SAXO5: variants seen among roughly 807,000 people sequenced by gnomAD.
SAXO5 encodes the protein stabilizer of axonemal microtubules 5.
the SAXO5 span, among the ~76,000 whole-genome samples, chr19:7,499,123 C>T: frequency 5.3e-5 from 8 of 151,734 alleles, no homozygotes; most frequent in African/African-American, 1.9e-4. Context: ...ACCAGCCTGA[C>T]CAATGTGGTG....
chr19:7,501,046 G>T, the SAXO5 span: 1 of 1,514,898 alleles, frequency 6.6e-7, no homozygotes, highest in Non-Finnish European at 8.8e-7. Flanking sequence ...CGCTGGGACC[G>T]GGAAGAGCGC....
chr19:7,497,809 G>A, the SAXO5 span: 1 of 152,076 alleles, frequency 6.6e-6, no homozygotes, highest in African/African-American at 2.4e-5. Flanking sequence ...ACCCATTTTG[G>A]AGGTCATATT....
the SAXO5 span, chr19:7,506,317 C>A: frequency 1.4e-6 from 1 of 710,520 alleles, no homozygotes; most frequent in Non-Finnish European, 2.5e-6. Flanking sequence ...TCGCCCTTGC[C>A]ACTGCTCTGG....
the SAXO5 span, chr19:7,504,172 A>G: frequency 3.7e-6 from 6 of 1,613,704 alleles, no homozygotes; most frequent in South Asian, 6.6e-5. Context: ...GGGACTTCCT[A>G]CCAAAGACAG....
the SAXO5 span, chr19:7,506,200 C>CCCGCCCCATGGAGCG: frequency 6.7e-7 from 1 of 1,498,986 alleles, no homozygotes; most frequent in Non-Finnish European, 8.9e-7. Context: ...CCCATGGAGC[C>CCCGCCCCATGGAGCG]CCGCCCCGGG....
At chr19:7,508,309 G>A in the SAXO5 span, 30 of 1,614,054 alleles carry the variant, frequency 1.9e-5, no homozygotes, top group Middle Eastern at 3.3e-4. Flanking sequence ...GCAGCCCTGA[G>A]ACTGAAAAAT....
the SAXO5 span, chr19:7,505,273 A>G: frequency 1.3e-6 from 2 of 1,559,026 alleles, no homozygotes; most frequent in Admixed American, 3.3e-5. Flanking sequence ...GTGGGCCACC[A>G]TGCCCAGCCC....
At chr19:7,501,359 C>G in the SAXO5 span, 1 of 1,524,628 alleles carries the variant, frequency 6.6e-7, no homozygotes, top group Non-Finnish European at 8.7e-7. Context: ...TTCCACCCCA[C>G]GACGCGCGCC....
the SAXO5 span, among the ~76,000 whole-genome samples, chr19:7,500,590 G>T: frequency 8.5e-5 from 13 of 152,226 alleles, no homozygotes; most frequent in Non-Finnish European, 5.9e-5. Flanking sequence ...GATTACAGGC[G>T]TGAGCCCCCG....
the SAXO5 span, chr19:7,501,162 C>A: frequency 9.9e-6 from 15 of 1,513,210 alleles, no homozygotes; most frequent in Non-Finnish European, 1.2e-5. Flanking sequence ...CGGCAACCTG[C>A]ACCTGCACGA....
the SAXO5 span, among the ~76,000 whole-genome samples, chr19:7,498,759 T>C: frequency 6.6e-6 from 1 of 152,154 alleles, no homozygotes; most frequent in Non-Finnish European, 1.5e-5. Flanking sequence ...CTGGGAGGTC[T>C]TCCTGCAAGA....
the SAXO5 span, chr19:7,506,273 G>A: frequency 2.2e-6 from 2 of 906,060 alleles, no homozygotes; most frequent in East Asian, 5.7e-5. Context: ...CGCCCCCACG[G>A]AGCCCCGTCC....
the SAXO5 span, chr19:7,508,360 G>A: frequency 3.3e-5 from 53 of 1,613,710 alleles, no homozygotes; most frequent in Admixed American, 2.5e-4. Context: ...CCTCACCAGC[G>A]CGGCTGCAGG....
the SAXO5 span, chr19:7,504,063 G>T: frequency 4.6e-5 from 48 of 1,032,324 alleles, no homozygotes; most frequent in South Asian, 6.4e-4. Context: ...GAGGGCTTGA[G>T]ATGGCAGGGA....
At chr19:7,503,762 G>A in the SAXO5 span, among the ~76,000 whole-genome samples, 1 of 151,978 alleles carries the variant, frequency 6.6e-6, no homozygotes, top group Non-Finnish European at 1.5e-5. Context: ...TGGGATTACA[G>A]GCATGAGCCA....
chr19:7,504,661 G>A, the SAXO5 span, among the ~76,000 whole-genome samples: 2 of 150,570 alleles, frequency 1.3e-5, no homozygotes, highest in Non-Finnish European at 2.9e-5. Flanking sequence ...AGCCAAGATT[G>A]CACCACTGCA....
the SAXO5 span, chr19:7,508,443 C>A: frequency 2.5e-6 from 4 of 1,598,364 alleles, no homozygotes; most frequent in Non-Finnish European, 3.4e-6. Flanking sequence ...GCCATCTTGG[C>A]AACATTCCAC....
chr19:7,508,057 T>C, the SAXO5 span: 1 of 634,098 alleles, frequency 1.6e-6, no homozygotes, highest in Non-Finnish European at 2.8e-6. Flanking sequence ...ACCATCCTCC[T>C]TGGTCAGACA....
the SAXO5 span, among the ~76,000 whole-genome samples, chr19:7,501,556 T>C: frequency 1.3e-5 from 2 of 151,332 alleles, no homozygotes; most frequent in Non-Finnish European, 1.5e-5. Context: ...GCGCGGTGGC[T>C]CAAGCCTGTA....
Sources: gnomAD v4.1 joint callset for allele counts (sites outside exome capture counted in the v4.1 genomes callset) on GRCh38, gnomAD v4.1.1 for gene constraint, MANE v1.5 for transcripts, NCBI Gene and HGNC (gene_info 2026-07-23, HGNC 2026-07-21) for gene names.